MACROD2: variants seen among roughly 807,000 people sequenced by gnomAD.
MACROD2 encodes mono-ADP ribosylhydrolase 2.
Under a neutral mutation model 70.4 loss-of-function variants are expected in MACROD2, and 36 were observed. The observed-to-expected ratio is 0.51, with a 90% CI of 0.39 to 0.68. The LOEUF (loss-of-function observed/expected upper bound fraction) is 0.68. Among genes scored for constraint, MACROD2 ranks in the 30% least tolerant of loss-of-function variants. The pLI, the probability that MACROD2 is intolerant of heterozygous loss-of-function variation, is 0.00. For missense variants in MACROD2, 496 were observed against 538.4 expected, an observed-to-expected ratio of 0.92 and a Z score of 0.78; for synonymous variants, 172 against 178.8, an observed-to-expected ratio of 0.96 and a Z score of 0.30.
intron 13 of MACROD2, 120 bp from the exon 14 acceptor site, chr20:15,986,607 G>T: frequency 1.8e-6 from 1 of 541,688 alleles, no homozygotes. Context: ...TTGCCCTTTG[G>T]TTTCAAAACT....
chr20:14,514,464 C>T (rs2085068239), intron 4 of MACROD2, among the ~76,000 whole-genome samples: 1 of 152,062 alleles, frequency 6.6e-6, no homozygotes, highest in Non-Finnish European at 1.5e-5. Flanking sequence ...TCATCCTAGC[C>T]ACAAGATCAA....
At chr20:15,795,741 T>G (rs1046185448) in intron 8 of MACROD2, among the ~76,000 whole-genome samples, 1 of 152,200 alleles carries the variant, frequency 6.6e-6, no homozygotes, top group Non-Finnish European at 1.5e-5. Context: ...AATGTCAAGT[T>G]GTCTTTCAAA....
At chr20:14,994,557 C>G (rs944024416) in intron 5 of MACROD2, among the ~76,000 whole-genome samples, 1 of 151,908 alleles carries the variant, frequency 6.6e-6, no homozygotes, top group Non-Finnish European at 1.5e-5. Context: ...GAGTTTGAAA[C>G]CAGCCTGGGC....
intron 6 of MACROD2, among the ~76,000 whole-genome samples, chr20:15,243,530 C>T (rs1433584662): frequency 6.6e-6 from 1 of 152,274 alleles, no homozygotes; most frequent in East Asian, 1.9e-4. Flanking sequence ...CACATACACA[C>T]ACACACAGGT....
chr20:14,106,357 GT>G (rs1280506866), intron 3 of MACROD2, among the ~76,000 whole-genome samples: 2 of 152,188 alleles, frequency 1.3e-5, no homozygotes, highest in Non-Finnish European at 2.9e-5. Context: ...TTATCTTGTG[GT>G]TTGAGTGCCA....
At chr20:15,726,032 TA>T (rs2050857630) in intron 8 of MACROD2, among the ~76,000 whole-genome samples, 1 of 152,054 alleles carries the variant, frequency 6.6e-6, no homozygotes, top group Non-Finnish European at 1.5e-5. Flanking sequence ...ATTGCCCAGG[TA>T]AAAAGCATAC....
chr20:14,571,400 T>C (rs1001724251), intron 4 of MACROD2, among the ~76,000 whole-genome samples: 1 of 152,052 alleles, frequency 6.6e-6, no homozygotes, highest in African/African-American at 2.4e-5. Context: ...TTAAAGTTAT[T>C]TTTAGTTTTA....
At chr20:15,338,443 A>G (rs1237072807) in intron 6 of MACROD2, among the ~76,000 whole-genome samples, 2 of 151,436 alleles carry the variant, frequency 1.3e-5, no homozygotes, top group Non-Finnish European at 2.9e-5. Context: ...ATCTTTTTCA[A>G]AACAACCTGG....
intron 4 of MACROD2, among the ~76,000 whole-genome samples, chr20:14,561,604 A>T (rs1034716208): frequency 6.6e-6 from 1 of 151,724 alleles, no homozygotes; most frequent in Non-Finnish European, 1.5e-5. Flanking sequence ...TTCCTTTTCT[A>T]ATAGCTAAGA....
At chr20:14,967,462 C>G (rs939695553) in intron 5 of MACROD2, among the ~76,000 whole-genome samples, 42 of 151,812 alleles carry the variant, frequency 2.8e-4, no homozygotes, top group African/African-American at 9.9e-4. Context: ...CCGTGCCTGG[C>G]CGGTAGTTTT....
intron 6 of MACROD2, among the ~76,000 whole-genome samples, chr20:15,400,062 A>C (rs968113386): frequency 2.0e-5 from 3 of 152,204 alleles, no homozygotes; most frequent in African/African-American, 7.2e-5. Flanking sequence ...AATTCACTAT[A>C]AAAGAAGTCA....
intron 12 of MACROD2, among the ~76,000 whole-genome samples, chr20:15,954,551 A>C (rs773901408): frequency 1.1e-4 from 17 of 152,146 alleles, no homozygotes; most frequent in Non-Finnish European, 2.4e-4. Context: ...GACAGTATTT[A>C]TGTTGTCCAC....
chr20:15,988,961 G>C (rs1212896102), intron 15 of MACROD2, among the ~76,000 whole-genome samples: 1 of 152,114 alleles, frequency 6.6e-6, no homozygotes, highest in African/African-American at 2.4e-5. Flanking sequence ...CTCTGCAGTA[G>C]CTCTGCTCCA....
chr20:14,400,041 A>G (rs1348189639), intron 3 of MACROD2, among the ~76,000 whole-genome samples: 1 of 125,300 alleles, frequency 8.0e-6, no homozygotes, highest in East Asian at 2.4e-4. Flanking sequence ...TGTCCTAAGT[A>G]TTTGTATTGA....
At chr20:15,565,029 A>G (rs1207892052) in intron 8 of MACROD2, among the ~76,000 whole-genome samples, 1 of 152,198 alleles carries the variant, frequency 6.6e-6, no homozygotes, top group Non-Finnish European at 1.5e-5. Context: ...TTTAATTGCC[A>G]TCTCCAGTTA....
chr20:14,968,955 A>G (rs549689928), intron 5 of MACROD2, among the ~76,000 whole-genome samples: 1 of 152,298 alleles, frequency 6.6e-6, no homozygotes. Context: ...TTGACTATGT[A>G]TTACTTTACC....
At chr20:15,765,207 G>A (rs752320127) in intron 8 of MACROD2, among the ~76,000 whole-genome samples, 4 of 152,134 alleles carry the variant, frequency 2.6e-5, no homozygotes, top group African/African-American at 4.8e-5. Flanking sequence ...TTTTCCTCTC[G>A]AAGAAAGGAA....
intron 5 of MACROD2, among the ~76,000 whole-genome samples, chr20:14,809,686 G>A (rs557086528): frequency 6.6e-6 from 1 of 151,944 alleles, no homozygotes; most frequent in Admixed American, 6.6e-5. Context: ...TAGACTGCTA[G>A]CCAGACTAAA....
chr20:14,021,027 T>C (rs533639911), intron 2 of MACROD2, among the ~76,000 whole-genome samples: 11 of 149,016 alleles, frequency 7.4e-5, no homozygotes, highest in African/African-American at 2.7e-4. Context: ...TCTTGCTCTG[T>C]TGCCCAGGCT....
Sources: gnomAD v4.1 joint callset for allele counts (sites outside exome capture counted in the v4.1 genomes callset) on GRCh38, gnomAD v4.1.1 for gene constraint, MANE v1.5 for transcripts, NCBI Gene and HGNC (gene_info 2026-07-23, HGNC 2026-07-21) for gene names.